CLVS1: variants seen among roughly 807,000 people sequenced by gnomAD.
CLVS1 encodes clavesin 1, also known as clavesin-1.
Under a neutral mutation model 33.1 loss-of-function variants are expected in CLVS1, and 10 were observed. The observed-to-expected ratio is 0.30, with a 90% CI of 0.19 to 0.51. The LOEUF (loss-of-function observed/expected upper bound fraction) is 0.51. Among genes scored for constraint, CLVS1 ranks in the 20% least tolerant of loss-of-function variants. The pLI is 0.97. For synonymous variants in CLVS1, 163 were observed against 166.1 expected (o/e 0.98, Z 0.14); for missense variants, 343 against 433.4 (o/e 0.79, Z 1.85).
intron 2 of CLVS1, among the ~76,000 whole-genome samples, chr8:61,340,938 T>G (rs1007977312): frequency 2.0e-5 from 3 of 152,242 alleles, no homozygotes; most frequent in Non-Finnish European, 2.9e-5. Flanking sequence ...TTGGCAGTTT[T>G]GGGAATGTGA....
the CLVS1 span, among the ~76,000 whole-genome samples, chr8:61,023,868 G>T: frequency 1.3e-5 from 2 of 152,254 alleles, no homozygotes; most frequent in Non-Finnish European, 2.9e-5. Flanking sequence ...GCCTGAAGTC[G>T]CAGGGAGAAG....
chr8:61,397,512 A>C (rs921529039), intron 3 of CLVS1, among the ~76,000 whole-genome samples: 28 of 152,140 alleles, frequency 1.8e-4, no homozygotes, highest in African/African-American at 6.8e-4. Context: ...TAAGGCATAA[A>C]GGTTTCAATT....
the CLVS1 span, among the ~76,000 whole-genome samples, chr8:60,967,100 GAAATGCAT>G: frequency 1.3e-5 from 2 of 152,144 alleles, no homozygotes; most frequent in African/African-American, 4.8e-5. Flanking sequence ...AAGTATCACA[GAAATGCAT>G]AAATGCATAT....
At chr8:61,401,906 G>A (rs1385536620) in intron 3 of CLVS1, among the ~76,000 whole-genome samples, 3 of 151,982 alleles carry the variant, frequency 2.0e-5, no homozygotes, top group Non-Finnish European at 4.4e-5. Flanking sequence ...CCCCTCTTAT[G>A]TATTCTCATA....
intron 2 of CLVS1, among the ~76,000 whole-genome samples, chr8:61,257,044 C>T (rs1480947939): frequency 6.6e-6 from 1 of 152,104 alleles, no homozygotes; most frequent in Non-Finnish European, 1.5e-5. Flanking sequence ...ATTATTTTTC[C>T]CCTGAAACAA....
chr8:61,370,868 G>A (rs1186183721), intron 2 of CLVS1, among the ~76,000 whole-genome samples: 1 of 152,022 alleles, frequency 6.6e-6, no homozygotes, highest in Non-Finnish European at 1.5e-5. Flanking sequence ...GTATTCCATG[G>A]CATACTACAT....
intron 2 of CLVS1, among the ~76,000 whole-genome samples, chr8:61,223,075 G>A (rs1462074842): frequency 6.6e-6 from 1 of 150,962 alleles, no homozygotes; most frequent in Non-Finnish European, 1.5e-5. Flanking sequence ...GTGTGTCTTT[G>A]CACATAAGAT....
At chr8:61,034,998 G>A in the CLVS1 span, among the ~76,000 whole-genome samples, 6 of 152,192 alleles carry the variant, frequency 3.9e-5, no homozygotes, top group South Asian at 1.2e-3. Context: ...GCGTCCTTGA[G>A]GGTGAAGAAA....
chr8:61,351,314 A>G (rs1454815631), intron 2 of CLVS1, among the ~76,000 whole-genome samples: 2 of 152,146 alleles, frequency 1.3e-5, no homozygotes, highest in Non-Finnish European at 1.5e-5. Context: ...ACTTGAAATG[A>G]TAGGTTCAAT....
chr8:61,061,892 C>A (rs1009272586), intron 1 of CLVS1, among the ~76,000 whole-genome samples: 4 of 151,972 alleles, frequency 2.6e-5, no homozygotes, highest in Admixed American at 1.3e-4. Flanking sequence ...ATCCGTAGCA[C>A]CTGGGCATTT....
chr8:61,381,736 A>G (rs1389206657), intron 3 of CLVS1, among the ~76,000 whole-genome samples: 1 of 152,144 alleles, frequency 6.6e-6, no homozygotes, highest in Non-Finnish European at 1.5e-5. Context: ...TATGGCCTCC[A>G]TTTGCATCCA....
chr8:61,432,393 A>G (rs1184811687), intron 3 of CLVS1, among the ~76,000 whole-genome samples: 1 of 152,192 alleles, frequency 6.6e-6, no homozygotes, highest in African/African-American at 2.4e-5. Context: ...TAGGGTCTTT[A>G]AAGAGGTAAT....
At chr8:61,318,415 A>G (rs981377310) in intron 2 of CLVS1, among the ~76,000 whole-genome samples, 1 of 152,216 alleles carries the variant, frequency 6.6e-6, no homozygotes, top group African/African-American at 2.4e-5. Flanking sequence ...CCAGGAATAC[A>G]GAGCTGAACA....
intron 1 of CLVS1, among the ~76,000 whole-genome samples, chr8:61,077,476 ATTATTATTATTATTATT>A (rs1191545004): frequency 2.4e-5 from 3 of 127,456 alleles, no homozygotes; most frequent in Non-Finnish European, 3.3e-5. Flanking sequence ...TATTATTATT[ATTATTATTATTATTATT>A]GAGACGGAGT....
chr8:61,424,092 A>C (rs1305494056), intron 3 of CLVS1, among the ~76,000 whole-genome samples: 1 of 152,208 alleles, frequency 6.6e-6, no homozygotes, highest in Non-Finnish European at 1.5e-5. Flanking sequence ...GTGACATTGC[A>C]CTATACACAG....
chr8:61,229,333 C>T (rs1190997834), intron 2 of CLVS1, among the ~76,000 whole-genome samples: 2 of 152,206 alleles, frequency 1.3e-5, no homozygotes, highest in African/African-American at 4.8e-5. Flanking sequence ...AAAGCAATGT[C>T]CCTGGCCCTT....
At chr8:60,993,976 G>C in the CLVS1 span, among the ~76,000 whole-genome samples, 1 of 152,118 alleles carries the variant, frequency 6.6e-6, no homozygotes, top group African/African-American at 2.4e-5. Flanking sequence ...TTCTGTCCTT[G>C]CTCCTAAACT....
At chr8:61,120,633 T>G (rs1387076490) in intron 1 of CLVS1, among the ~76,000 whole-genome samples, 9 of 130,108 alleles carry the variant, frequency 6.9e-5, no homozygotes, top group African/African-American at 2.8e-4. Flanking sequence ...TACCCTGCCG[T>G]GTGAGGTGTC....
intron 3 of CLVS1, among the ~76,000 whole-genome samples, chr8:61,404,259 T>C (rs1377686834): frequency 6.6e-6 from 1 of 152,252 alleles, no homozygotes. Flanking sequence ...GTCCAGAGTA[T>C]TCTGTGAGTC....
Sources: gnomAD v4.1 joint callset for allele counts (sites outside exome capture counted in the v4.1 genomes callset) on GRCh38, gnomAD v4.1.1 for gene constraint, MANE v1.5 for transcripts, NCBI Gene and HGNC (gene_info 2026-07-23, HGNC 2026-07-21) for gene names.